Variants in UBE2D2 observed in about 807,000 individuals in gnomAD.
UBE2D2 encodes ubiquitin-conjugating enzyme E2 D2.
Under a neutral mutation model 24.2 loss-of-function variants are expected in UBE2D2, and 2 were observed. The ratio of observed to expected loss-of-function variants is 0.08; its 90% confidence interval spans 0.03 to 0.26. The LOEUF (loss-of-function observed/expected upper bound fraction) is 0.26. UBE2D2 is among the 10% of genes least tolerant of loss of function. The pLI is 1.00. For missense variants in UBE2D2, 44 were observed against 177.6 expected (o/e 0.25, Z 4.28); for synonymous variants, 58 against 56.5 (o/e 1.03, Z -0.12).
chr5:139,600,048 T>A (rs1048477631), intron 1 of UBE2D2, among the ~76,000 whole-genome samples: 2 of 152,090 alleles, frequency 1.3e-5, no homozygotes, highest in African/African-American at 4.8e-5. Context: ...TCTGCCCGCC[T>A]CAGCCTCCCA....
Position 139,529,642 on chromosome 5 carries a change from TA to T in UBE2D2, c.-64+3039del, listed in dbSNP as rs906766762. On this transcript the variant is annotated intron_variant, in intron 1 of 6. Coordinates refer to the UBE2D2 transcript ENST00000511725. ...ACAAACCCCTCAGACCCAAGTAAAA[TA>T]AAAAAAAATGTAACATTAGGCATTG... 2.0e-4 allele frequency among the ~76,000 whole-genome samples: 30 copies of T among 150,620 alleles called. No homozygotes were observed. The East Asian group carries it at 3.3e-3, about 17-fold the overall frequency.
intron 1 of UBE2D2, among the ~76,000 whole-genome samples, chr5:139,554,072 G>A (rs1409213082): frequency 3.3e-5 from 5 of 152,280 alleles, no homozygotes; most frequent in South Asian, 4.1e-4. Context: ...GAGCCACCAC[G>A]CCCGGCCAAG....
At chr5:139,545,027 C>G (rs190315152) in intron 1 of UBE2D2, among the ~76,000 whole-genome samples, 35 of 151,992 alleles carry the variant, frequency 2.3e-4, no homozygotes, top group Admixed American at 2.2e-3. Flanking sequence ...GATCCACCCG[C>G]CTCGGCCTTC....
chr5:139,571,162 A>T (rs1308949012), intron 1 of UBE2D2, among the ~76,000 whole-genome samples: 2 of 151,940 alleles, frequency 1.3e-5, no homozygotes, highest in African/African-American at 4.8e-5. Flanking sequence ...TAATCCCAGC[A>T]CTTTGGGAGG....
chr5:139,577,339 G>A (rs529839943), intron 1 of UBE2D2, among the ~76,000 whole-genome samples: 4 of 151,354 alleles, frequency 2.6e-5, no homozygotes, highest in African/African-American at 9.7e-5. Context: ...AGTTCATGCA[G>A]GTTCTTTTGG....
At chr5:139,556,381 C>G (rs941188114), upstream of UBE2D2, among the ~76,000 whole-genome samples, 8 of 151,860 alleles carry the variant, frequency 5.3e-5, no homozygotes, top group African/African-American at 1.9e-4. Context: ...TGTACTCCAG[C>G]CTGGGCAACA....
intron 2 of UBE2D2, among the ~76,000 whole-genome samples, chr5:139,604,203 C>T (rs192142391): frequency 2.0e-3 from 292 of 147,672 alleles, no homozygotes; most frequent in Middle Eastern, 3.5e-3. Flanking sequence ...TGCAGTGGTG[C>T]GGTCTTGGCT....
chr5:139,602,475 G>T (rs1243264614), intron 2 of UBE2D2, among the ~76,000 whole-genome samples: 1 of 152,132 alleles, frequency 6.6e-6, no homozygotes, highest in Non-Finnish European at 1.5e-5. Context: ...CCAGGAGTGC[G>T]AGACCAGCCT....
upstream of UBE2D2, among the ~76,000 whole-genome samples, chr5:139,526,254 A>G (rs1452375523): frequency 3.3e-5 from 5 of 152,224 alleles, no homozygotes; most frequent in Non-Finnish European, 5.9e-5. Flanking sequence ...TGGGATTTTA[A>G]GGCAGTAGCT....
At chr5:139,551,997 A>C (rs1752925734) in intron 1 of UBE2D2, among the ~76,000 whole-genome samples, 1 of 152,216 alleles carries the variant, frequency 6.6e-6, no homozygotes, top group African/African-American at 2.4e-5. Context: ...TAATTACTTT[A>C]ATGAGAGAGA....
chr5:139,562,381 G>T, intron 1 of UBE2D2: 2 of 1,329,206 alleles, frequency 1.5e-6, no homozygotes, highest in African/African-American at 3.0e-5. Flanking sequence ...ACTGTTAAGA[G>T]TTGGAAGTTC....
intron 1 of UBE2D2, among the ~76,000 whole-genome samples, chr5:139,578,954 A>G (rs1489211803): frequency 6.6e-6 from 1 of 151,952 alleles, no homozygotes; most frequent in Non-Finnish European, 1.5e-5. Context: ...GCTATGTTTT[A>G]TTTTTGTTTA....
intron 1 of UBE2D2, among the ~76,000 whole-genome samples, chr5:139,589,402 G>A (rs58595633): frequency 3.2e-4 from 49 of 152,162 alleles, no homozygotes; most frequent in Admixed American, 2.0e-3. Context: ...CTAACAAACA[G>A]TACAAAAATT....
At chr5:139,603,876 G>A (rs968345289) in intron 2 of UBE2D2, among the ~76,000 whole-genome samples, 5 of 151,636 alleles carry the variant, frequency 3.3e-5, no homozygotes, top group African/African-American at 4.8e-5. Context: ...TTGAACCCGG[G>A]AGGCAGAGGC....
chr5:139,558,345 T>TGGCGCGATCTCAGCTCACTGCAAGC (rs1391719504), upstream of UBE2D2, among the ~76,000 whole-genome samples: 1 of 152,210 alleles, frequency 6.6e-6, no homozygotes, highest in Non-Finnish European at 1.5e-5. Context: ...TGGAGTGCAG[T>TGGCGCGATCTCAGCTCACTGCAAGC]GGCGCGATCT....
At chr5:139,586,737 C>G (rs568716980) in intron 1 of UBE2D2, among the ~76,000 whole-genome samples, 1 of 152,094 alleles carries the variant, frequency 6.6e-6, no homozygotes, top group South Asian at 2.1e-4. Flanking sequence ...TGCACTCCAG[C>G]CTGGGCGACA....
chr5:139,603,261 A>G (rs190705055), intron 2 of UBE2D2, among the ~76,000 whole-genome samples: 1 of 152,334 alleles, frequency 6.6e-6, no homozygotes, highest in Non-Finnish European at 1.5e-5. Flanking sequence ...TTAGCATGCT[A>G]AAGTAATTTG....
intron 1 of UBE2D2, among the ~76,000 whole-genome samples, chr5:139,547,460 C>T (rs1285980108): frequency 1.3e-5 from 2 of 152,016 alleles, no homozygotes; most frequent in Non-Finnish European, 2.9e-5. Flanking sequence ...GTGATCCACC[C>T]AGCTCAACCT....
chr5:139,627,029 G>A lies in UBE2D2; in HGVS notation c.*228G>A. 2.0e-6 allele frequency: 1 copy of A among 490,256 alleles called. No homozygotes were observed. The highest frequency in any genetic ancestry group is 3.7e-6 in the Non-Finnish European group (1 of 272,788). The allele number at this position is 490,256 out of a possible 1,614,324, so 30.4% of individuals were successfully genotyped here. ...CCTCCTAGCAGAGAAGTGTGTGTGT[G>A]ACAAGCCAGTTCTACAGGCATTACC... On this transcript the variant is annotated 3_prime_UTR_variant, in exon 7 of 7. Coordinates refer to ENST00000398733, the MANE Select transcript of UBE2D2 (RefSeq NM_003339.3).
Sources: gnomAD v4.1 joint callset for allele counts (sites outside exome capture counted in the v4.1 genomes callset) on GRCh38, gnomAD v4.1.1 for gene constraint, MANE v1.5 for transcripts, NCBI Gene and HGNC (gene_info 2026-07-23, HGNC 2026-07-21) for gene names.